NCAPD3: variants seen among roughly 807,000 people sequenced by gnomAD.
The protein encoded by NCAPD3 is condensin-2 complex subunit D3.
A neutral mutation model predicts 182.9 loss-of-function variants in NCAPD3; 105 were observed. That is an observed-to-expected ratio of 0.57 (90% CI 0.49 to 0.68). The LOEUF (loss-of-function observed/expected upper bound fraction) is 0.68, where lower values mean the gene tolerates loss of function less well. Among genes scored for constraint, NCAPD3 ranks in the 30% least tolerant of loss-of-function variants. The probability of loss-of-function intolerance (pLI) is 0.00; values close to 1 mark genes in which losing one functional copy is unlikely to be tolerated. For missense variants in NCAPD3, 1,944 were observed against 1,837.0 expected, an observed-to-expected ratio of 1.06 and a Z score of -1.07; for synonymous variants, 815 against 679.9, an observed-to-expected ratio of 1.20 and a Z score of -3.09.
chr11:134,164,870 T>A (rs1311004123), intron 27 of NCAPD3, among the ~76,000 whole-genome samples: 1 of 144,804 alleles, frequency 6.9e-6, no homozygotes, highest in Non-Finnish European at 1.5e-5. Context: ...TTGAGGGAGC[T>A]ACATACTCAC....
chr11:134,207,710 C>T (rs1937662039), intron 7 of NCAPD3, among the ~76,000 whole-genome samples: 1 of 139,470 alleles, frequency 7.2e-6, no homozygotes, highest in Non-Finnish European at 1.5e-5. Context: ...TGCCACTGCA[C>T]TCCAGCCTGG....
At chr11:134,206,375 C>G (rs1160858681) in intron 8 of NCAPD3, among the ~76,000 whole-genome samples, 1 of 152,166 alleles carries the variant, frequency 6.6e-6, no homozygotes, top group Non-Finnish European at 1.5e-5. Context: ...TGGCGCTGGC[C>G]CGTGTTCTGC....
Position 134,223,903 on chromosome 11 carries a change from A to C in NCAPD3, c.24T>G (p.Gly8=), listed in dbSNP as rs372163804. 1.9e-6 allele frequency: 3 copies of C among 1,612,584 alleles called. No homozygotes were observed. The African/African-American group carries it at 4.0e-5, about 22-fold the overall frequency. The change falls in exon 1 of 35, where the codon GGT becomes GGG. Residue 8 remains glycine, a synonymous_variant. Transcript: ENST00000534548. The part of the protein sequence containing the change: MVALRGL[G]SGLQPWCPLD... ...GCGGACACCAGGGCTGCAGGCCGCT[A>C]CCAAGGCCCCGCAACGCCACCATGA... is the stretch of plus-strand genomic sequence containing the variant.
chr11:134,155,028 A>G (rs1349987698), intron 32 of NCAPD3, among the ~76,000 whole-genome samples: 1 of 152,120 alleles, frequency 6.6e-6, no homozygotes, highest in African/African-American at 2.4e-5. Flanking sequence ...TTAGTCTCCC[A>G]TCTTTACAGA....
At chr11:134,160,959 C>A (rs1410204554) in intron 28 of NCAPD3, among the ~76,000 whole-genome samples, 1 of 146,530 alleles carries the variant, frequency 6.8e-6, no homozygotes, top group Non-Finnish European at 1.5e-5. Context: ...TTTTTTTTTT[C>A]CTTTCTAGGG....
At chr11:134,185,290 T>C (rs116967022) in intron 17 of NCAPD3, 45 bp downstream of exon 17, 47,359 of 1,499,474 alleles carry the variant, frequency 0.032, 835 homozygotes, top group Non-Finnish European at 0.036. Flanking sequence ...GCTTTGTTTC[T>C]AAGACTCTTC....
At chr11:134,162,570 T>C (rs1417371970) in intron 27 of NCAPD3, among the ~76,000 whole-genome samples, 1 of 152,332 alleles carries the variant, frequency 6.6e-6, no homozygotes, top group African/African-American at 2.4e-5. Context: ...TTCCTTCTCA[T>C]TTAAAGTCAC....
chr11:134,202,663 A>G (rs1453549859), intron 13 of NCAPD3, among the ~76,000 whole-genome samples, 153 bp downstream of exon 13: 1 of 151,980 alleles, frequency 6.6e-6, no homozygotes, highest in Non-Finnish European at 1.5e-5. Flanking sequence ...TTATGGGATT[A>G]CAGGCATGAG....
At position 134,192,725 on chromosome 11, in the gene NCAPD3, A is replaced by G; in HGVS notation, c.2009T>C (p.Leu670Pro). ...GDDSQVLAWA[L>P]LTLLTTESQE... ...GCTTTCGGTGGTGAGGAGAGTAAGAAGCGCCCAGGCGAGGACCTGGCTGTC... is the reference window on the plus strand; with the variant it reads ...GCTTTCGGTGGTGAGGAGAGTAAGAGGCGCCCAGGCGAGGACCTGGCTGTC... Residue 670 changes from leucine to proline, a missense_variant, in exon 16 of 35, where the codon CTT becomes CCT. Around this residue, in one of 3 missense-constraint regions of NCAPD3, gnomAD observed 1,803 missense variants for 1,674.6 expected, o/e 1.08. Coordinates refer to ENST00000534548, the MANE Select transcript of NCAPD3 (RefSeq NM_015261.3). 6.2e-7 allele frequency: 1 copy of G among 1,614,232 alleles called. No individual in the cohort carries two copies. The highest frequency in any genetic ancestry group is 8.5e-7 in the Non-Finnish European group (1 of 1,180,022).
intron 27 of NCAPD3, among the ~76,000 whole-genome samples, chr11:134,164,933 G>T (rs1027897535): frequency 2.0e-5 from 3 of 150,730 alleles, no homozygotes; most frequent in African/African-American, 7.3e-5. Flanking sequence ...ATGAGCTTAG[G>T]GGGAGGGGCA....
intron 24 of NCAPD3, among the ~76,000 whole-genome samples, chr11:134,174,274 C>G (rs1488298561): frequency 6.9e-6 from 1 of 145,518 alleles, no homozygotes; most frequent in Non-Finnish European, 1.5e-5. Flanking sequence ...TCCGAGTTAT[C>G]TGGGAGGCCG....
At chr11:134,161,941 C>G in intron 27 of NCAPD3, 50 bp from the exon 28 acceptor site, 1 of 975,158 alleles carries the variant, frequency 1.0e-6, no homozygotes, top group South Asian at 1.6e-5. Context: ...TTCTGAAAGA[C>G]AGGCCTCTCC....
chr11:134,168,420 C>A (rs1943921563), intron 26 of NCAPD3, 49 bp downstream of exon 26: 1 of 1,609,340 alleles, frequency 6.2e-7, no homozygotes. Context: ...ATCAACACAG[C>A]ATTTCATTTG....
At chr11:134,223,491 A>G (rs752108121) in intron 1 of NCAPD3, 2 of 702,416 alleles carry the variant, frequency 2.8e-6, no homozygotes, top group South Asian at 1.5e-5. Context: ...ACCTATGAAC[A>G]TGAAGTTCAA....
intron 3 of NCAPD3, among the ~76,000 whole-genome samples, chr11:134,213,907 A>C (rs1470976241): frequency 5.3e-5 from 8 of 152,200 alleles, no homozygotes; most frequent in Non-Finnish European, 1.2e-4. Context: ...TGTATCCGTC[A>C]GACTTTCACA....
At position 134,188,167 on chromosome 11, in the gene NCAPD3, T is replaced by A. The variant is rs1565541600; in HGVS notation, c.2046-2641A>T. Among the ~76,000 whole-genome samples, 3 of 152,130 alleles carry A rather than the reference T, an allele frequency of 2.0e-5. 1 individual carries two copies. Among genetic ancestry groups the A allele is most frequent in the Admixed American group, 2.0e-4 (3 of 15,280 alleles). The stretch of plus-strand genomic sequence containing the variant: ...GGATTGTAAATGCACCAATCAGCAC[T>A]CTGTGCCCAGCTAAAGGATTATAAA... On this transcript the variant is annotated intron_variant, in intron 16 of 34. Transcript: ENST00000534548.
At chr11:134,209,942 G>A (rs1370503844) in intron 4 of NCAPD3, among the ~76,000 whole-genome samples, 14 of 152,194 alleles carry the variant, frequency 9.2e-5, no homozygotes, top group Admixed American at 9.2e-4. Context: ...TGTAGCCCCA[G>A]CTACTCGGAA....
At chr11:134,210,144 T>C in intron 4 of NCAPD3, 126 bp downstream of exon 4, 1 of 738,452 alleles carries the variant, frequency 1.4e-6, no homozygotes, top group Non-Finnish European at 2.3e-6. Flanking sequence ...ATTGGATAGC[T>C]TATGATGGTT....
At chr11:134,162,382 C>T (rs1591822904) in intron 27 of NCAPD3, among the ~76,000 whole-genome samples, 1 of 152,312 alleles carries the variant, frequency 6.6e-6, no homozygotes, top group South Asian at 2.1e-4. Flanking sequence ...TCTGTGTACA[C>T]ATCTACAAAA....
Sources: allele counts gnomAD v4.1 joint callset (sites outside exome capture counted in the v4.1 genomes callset), GRCh38; gene constraint gnomAD v4.1.1; regional missense constraint gnomAD v4.1.1; transcripts MANE v1.5; gene names NCBI Gene and HGNC (gene_info 2026-07-23, HGNC 2026-07-21).